The following GMDS variants were observed in gnomAD, a reference collection of about 807,000 sequenced individuals.
GMDS encodes GDP-mannose 4,6-dehydratase.
GMDS carries 20 observed loss-of-function variants against 49.9 expected under a neutral mutation model. That is an observed-to-expected ratio of 0.40 (90% CI 0.28 to 0.58). GMDS has a LOEUF of 0.58. Among genes scored for constraint, GMDS ranks in the 20% least tolerant of loss-of-function variants. GMDS has a pLI of 0.42. For missense variants in GMDS, 362 were observed against 481.4 expected (o/e 0.75, Z 2.32); for synonymous variants, 177 against 178.6 (o/e 0.99, Z 0.07).
At chr6:1,831,608 T>C (rs1334120014) in intron 7 of GMDS, among the ~76,000 whole-genome samples, 1 of 152,254 alleles carries the variant, frequency 6.6e-6, no homozygotes, top group Non-Finnish European at 1.5e-5. Flanking sequence ...GAAAGTTTTT[T>C]ATTCCAGCTT....
At chr6:1,947,353 C>G (rs945406324) in intron 6 of GMDS, among the ~76,000 whole-genome samples, 3 of 152,164 alleles carry the variant, frequency 2.0e-5, no homozygotes, top group African/African-American at 7.2e-5. Context: ...AGGTTTATTT[C>G]TTATGTACAA....
Position 1,644,197 on chromosome 6 carries a change from C to T in GMDS, c.988-19657G>A, listed in dbSNP as rs927470659. ...TCCACTCTTCCTCCAGGGACCCACG[C>T]GGGGAGGGCCCTCCACCGCCAGGGG... On this transcript the variant is annotated intron_variant, in intron 9 of 10. Coordinates refer to ENST00000380815, the MANE Select transcript of GMDS (RefSeq NM_001500.4). Among the ~76,000 whole-genome samples, 11 of 152,340 alleles carry T rather than the reference C, an allele frequency of 7.2e-5. No individual in the cohort carries two copies. In the East Asian group the frequency reaches 9.6e-4, roughly 13 times the overall value.
In GMDS at chr6:2,191,123, G is replaced by A. The variant is rs897007880; in HGVS notation, c.102+54198C>T. Among the ~76,000 whole-genome samples the A allele has an allele frequency of 2.0e-5, 3 of 152,080 alleles. No individual in the cohort carries two copies. In the South Asian group the frequency reaches 6.2e-4, roughly 31 times the overall value. ...ACGCCCACTGCACCAAGGGTGCCGTGTTCTTGCGCCCCCAGAGAGGACTCT... is the reference window on the plus strand; with the variant it reads ...ACGCCCACTGCACCAAGGGTGCCGTATTCTTGCGCCCCCAGAGAGGACTCT... On this transcript the variant is annotated intron_variant, in intron 1 of 10. Coordinates refer to ENST00000380815, the MANE Select transcript of GMDS (RefSeq NM_001500.4). This position sits in a 1 kb window ranked among gnomAD's most constrained non-coding sequence, Gnocchi z 4.6.
chr6:1,731,933 A>T (rs112450016), intron 8 of GMDS, among the ~76,000 whole-genome samples: 1,548 of 152,358 alleles, frequency 0.01, 22 homozygotes, highest in African/African-American at 0.036. Context: ...CAGCTGGAGC[A>T]GAGTATGGGG....
At chr6:1,802,653 T>C (rs1363284455) in intron 7 of GMDS, among the ~76,000 whole-genome samples, 1 of 152,244 alleles carries the variant, frequency 6.6e-6, no homozygotes, top group Non-Finnish European at 1.5e-5. Context: ...GAGTCTGCCC[T>C]ACAGGGCGGC....
At chr6:1,795,364 C>G (rs1469828125) in intron 7 of GMDS, among the ~76,000 whole-genome samples, 3 of 152,184 alleles carry the variant, frequency 2.0e-5, no homozygotes, top group African/African-American at 7.2e-5. Context: ...GCATACAACA[C>G]TAGTCTAATG....
intron 7 of GMDS, among the ~76,000 whole-genome samples, chr6:1,808,025 A>C (rs535186624): frequency 1.3e-5 from 2 of 152,330 alleles, no homozygotes; most frequent in East Asian, 3.9e-4. Context: ...TATATAAATA[A>C]CTAGAAATTC....
chr6:1,786,599 T>C (rs184214402), intron 7 of GMDS, among the ~76,000 whole-genome samples: 1 of 151,924 alleles, frequency 6.6e-6, no homozygotes. Flanking sequence ...CTACCTGGAG[T>C]GGCGCTGGGC....
rs547641338 is a variant in GMDS, at chr6:2,115,759, GA to G, written c.345+11del. The G allele has an allele frequency of 3.9e-5, 54 of 1,383,804 alleles. No homozygotes were observed. The South Asian group carries it at 5.6e-4, about 14-fold the overall frequency. The allele number at this position is 1,383,804 out of a possible 1,614,324, so 85.7% of individuals were successfully genotyped here. On this transcript the variant is annotated intron_variant, in intron 4 of 10. Coordinates refer to ENST00000380815, the MANE Select transcript of GMDS (RefSeq NM_001500.4). ...GAAACACGGCCAGAGAAATCCCAAT[GA>G]AAATGCTTACTTTGACGTGGCTCTG...
intron 4 of GMDS, among the ~76,000 whole-genome samples, chr6:2,006,929 G>C (rs1008195152): frequency 2.6e-5 from 4 of 152,212 alleles, no homozygotes; most frequent in Non-Finnish European, 5.9e-5. Context: ...AATACGCTTA[G>C]TAAATGCTTA....
At chr6:1,670,750 T>A (rs1465977465) in intron 9 of GMDS, among the ~76,000 whole-genome samples, 1 of 152,214 alleles carries the variant, frequency 6.6e-6, no homozygotes, top group Non-Finnish European at 1.5e-5. Flanking sequence ...TCTTCAGCCA[T>A]ACTTTTAGTT....
chr6:1,711,835 G>A (rs1010651840), intron 9 of GMDS, among the ~76,000 whole-genome samples: 3 of 152,296 alleles, frequency 2.0e-5, no homozygotes, highest in Non-Finnish European at 4.4e-5. Context: ...TCTAAGGAAT[G>A]AGCTGGGTGG....
In GMDS at chr6:2,142,253, T is replaced by C. The variant is rs374855653; in HGVS notation, c.103-17522A>G. Among the ~76,000 whole-genome samples the C allele has an allele frequency of 1.4e-4, 21 of 152,288 alleles. 1 individual carries two copies. The highest frequency in any genetic ancestry group is 1.4e-3 in the Admixed American group (21 of 15,302). On this transcript the variant is annotated intron_variant, in intron 1 of 10. Coordinates refer to ENST00000380815, the MANE Select transcript of GMDS (RefSeq NM_001500.4). ...TACCTGGCAAAAGCGGGATCTGTTA[T>C]AGGTCGAATTCTGTCCCCCTGAAAA... is the stretch of plus-strand genomic sequence containing the variant.
intron 1 of GMDS, among the ~76,000 whole-genome samples, chr6:2,177,733 C>T (rs1052650021): frequency 1.3e-5 from 2 of 152,178 alleles, no homozygotes; most frequent in Non-Finnish European, 2.9e-5. Flanking sequence ...TGACAGCCCA[C>T]ATCATACTCA....
chr6:2,024,646 C>T (rs995006811), intron 4 of GMDS, among the ~76,000 whole-genome samples: 1 of 151,612 alleles, frequency 6.6e-6, no homozygotes, highest in Admixed American at 6.6e-5. Flanking sequence ...TTGTAACCAA[C>T]AGCCATGGAA....
intron 7 of GMDS, among the ~76,000 whole-genome samples, chr6:1,841,756 G>A (rs1186667879): frequency 6.6e-6 from 1 of 152,174 alleles, no homozygotes; most frequent in East Asian, 1.9e-4. Flanking sequence ...GATAGGAAGG[G>A]AGGAAGAACC....
At chr6:1,746,827 G>A (rs979732893) in intron 7 of GMDS, among the ~76,000 whole-genome samples, 7 of 151,792 alleles carry the variant, frequency 4.6e-5, no homozygotes, top group African/African-American at 1.5e-4. Context: ...TCAGACTCCC[G>A]AGTAGCTGGG....
At chr6:2,076,589 C>G (rs1372575182) in intron 4 of GMDS, among the ~76,000 whole-genome samples, 1 of 152,010 alleles carries the variant, frequency 6.6e-6, no homozygotes, top group African/African-American at 2.4e-5. Flanking sequence ...CAGAACAGAG[C>G]CCTCAGAAAT....
chr6:1,725,248 T>C (rs188211030), intron 9 of GMDS, among the ~76,000 whole-genome samples: 5 of 152,336 alleles, frequency 3.3e-5, no homozygotes, highest in East Asian at 1.9e-4. Flanking sequence ...TTTGCTTCCA[T>C]AGTGAGGATG....
Sources: gnomAD v4.1 joint callset for allele counts (sites outside exome capture counted in the v4.1 genomes callset) on GRCh38, gnomAD v4.1.1 for gene constraint, Gnocchi (gnomAD v3.1) non-coding constraint, MANE v1.5 for transcripts, NCBI Gene and HGNC (gene_info 2026-07-23, HGNC 2026-07-21) for gene names.